PLEC: variants seen among roughly 807,000 people sequenced by gnomAD.
The protein encoded by PLEC is hemidesmosomal protein 1.
A neutral mutation model predicts 392.8 loss-of-function variants in PLEC; 216 were observed. The ratio of observed to expected loss-of-function variants is 0.55; its 90% CI spans 0.49 to 0.62. The LOEUF is 0.62. PLEC is among the 20% of genes least tolerant of loss of function. The pLI is 0.00. For missense variants in PLEC, 6,863 were observed against 6,563.4 expected (o/e 1.05, Z -1.58); for synonymous variants, 3,621 against 2,980.6 (o/e 1.21, Z -7.00).
At chr8:143,952,181 A>AACACAC (rs66992958), upstream of PLEC, among the ~76,000 whole-genome samples, 1,027 of 140,292 alleles carry the variant, frequency 7.3e-3, 5 homozygotes, top group African/African-American at 0.012. Flanking sequence ...GCAGGCTCCA[A>AACACAC]ACACACACAC....
In PLEC at chr8:143,922,398, G is replaced by A. The variant is rs1050298065; in HGVS notation, c.7426-3C>T. On this transcript the variant is annotated splice_region_variant and splice_polypyrimidine_tract_variant and intron_variant, in intron 31 of 31. Coordinates refer to ENST00000345136, the MANE Select transcript of PLEC (RefSeq NM_201384.3). Reference sequence around the variant, plus strand: ...TGCTCCTGCTGCACCGTCTGCATCTGCAGAAGAAGAGGGTGTGATCAGGGA... The same window carrying A: ...TGCTCCTGCTGCACCGTCTGCATCTACAGAAGAAGAGGGTGTGATCAGGGA... The A allele has an allele frequency of 7.5e-6, 12 of 1,601,222 alleles. No individual in the cohort carries two copies. The highest frequency in any genetic ancestry group is 1.3e-5 in the African/African-American group (1 of 74,894).
At chr8:143,960,755 C>A (rs782341278) in intron 1 of PLEC, among the ~76,000 whole-genome samples, 7 of 152,364 alleles carry the variant, frequency 4.6e-5, no homozygotes, top group Middle Eastern at 6.8e-3. Context: ...CCCCTCCCTT[C>A]TCCCTGTCTC....
chr8:143,932,947 A>T lies in PLEC; in HGVS notation c.1583T>A (p.Leu528Gln). 2 of 1,612,656 alleles carry T rather than the reference A, an allele frequency of 1.2e-6. No individual in the cohort carries two copies. Among genetic ancestry groups the T allele is most frequent in the Non-Finnish European group, 1.7e-6 (2 of 1,179,908 alleles). Residue 528 changes from leucine to glutamine, a missense_variant, in exon 14 of 32, where the codon CTG becomes CAG. Leu to Gln is a moderately radical substitution (Grantham distance 113, BLOSUM62 -2). Coordinates refer to ENST00000345136, the MANE Select transcript of PLEC (RefSeq NM_201384.3). ...CTGGTTCTCCTCCACCCAGGCCAGC[A>T]GGTCCTGCAGGTAGCGCAGAGTGGA... is the stretch of plus-strand genomic sequence containing the variant. ...EDSTLRYLQDLLAWVEENQHR... is the reference protein window; with the variant it reads ...EDSTLRYLQDQLAWVEENQHR...
At chr8:143,955,584 A>T (rs568905063), upstream of PLEC, among the ~76,000 whole-genome samples, 58 of 152,210 alleles carry the variant, frequency 3.8e-4, 1 homozygote, top group South Asian at 1.2e-3. Context: ...ATACATTTTT[A>T]AAAAATGCTG....
chr8:143,919,763 C>G lies in PLEC; in HGVS notation c.10058G>C (p.Gly3353Ala), dbSNP rs35261863. Residue 3353 changes from glycine (G) to alanine (A), a missense_variant, in exon 32 of 32, where the codon GGC (glycine) becomes GCC (alanine). Transcript: ENST00000345136. ...GTAGATGCCGGCGAGGCAGCCACTGCCCTGCAGCAGCGTCCGCACGGAGCC... is the reference window on the plus strand; with the variant it reads ...GTAGATGCCGGCGAGGCAGCCACTGGCCTGCAGCAGCGTCCGCACGGAGCC... ...ELGSVRTLLQ[G>A]SGCLAGIYLE... 0.015 allele frequency: 24,926 copies of G among 1,610,688 alleles called. 233 individuals carry two copies. The highest frequency in any genetic ancestry group is 0.019 in the Non-Finnish European group (22,078 of 1,178,422).
chr8:143,916,532 G>A lies in PLEC; in HGVS notation c.13289C>T (p.Ala4430Val). ...AGGGCAGGTGAGGTACTTGGAGTAG[G>A]CGCCCACGTCACGCAGCTTCTGTGC... ...RTAQKLRDVG[A>V]YSKYLTCPKT... Residue 4430 changes from alanine to valine, a missense_variant, in exon 32 of 32, where the codon GCC becomes GTC. Ala to Val is a moderately conservative substitution (Grantham distance 64). Coordinates refer to ENST00000345136, the MANE Select transcript of PLEC (RefSeq NM_201384.3). 1.2e-6 allele frequency: 2 copies of A among 1,611,776 alleles called. No individual in the cohort carries two copies. Among genetic ancestry groups the A allele is most frequent in the Non-Finnish European group, 1.7e-6 (2 of 1,179,502 alleles).
Position 143,920,696 on chromosome 8 carries a change from T to C in PLEC, c.9125A>G (p.Asn3042Ser), listed in dbSNP as rs782101485. The change falls in exon 32 of 32, where the codon AAT becomes AGT. Residue 3042 changes from asparagine to serine, a missense_variant. Transcript: ENST00000345136. Reference protein sequence around the residue: ...EEAGQKLSIYNALKKDLLPSD... With the variant: ...EEAGQKLSIYSALKKDLLPSD... ...TGGCAGCAGGTCTTTCTTCAGGGCA[T>C]TGTAGATACTCAGCTTCTGCCCCGC... is the stretch of plus-strand genomic sequence containing the variant. The C allele has an allele frequency of 1.1e-5, 17 of 1,602,670 alleles. No homozygotes were observed. The South Asian group carries it at 1.4e-4, about 13-fold the overall frequency.
At position 143,924,928 on chromosome 8, in the gene PLEC, CT is replaced by C; in HGVS notation, c.5000del (p.Glu1667GlyfsTer49). The C allele has an allele frequency of 6.3e-7, 1 of 1,584,956 alleles. No homozygotes were observed. The highest frequency in any genetic ancestry group is 8.5e-7 in the Non-Finnish European group (1 of 1,173,524). ...GCCGCCGCGCCTCGCGCTCCGCCTC[CT>C]CCTTCTGCTTCTCAGCCTCGGCCTG... Reference protein sequence around the residue: ...LAQAEAEKQKEEAEREARRRG... With the variant: ...LAQAEAEKQKXEAEREARRRG... On this transcript the variant is annotated frameshift_variant, in exon 31 of 32. Transcript: ENST00000345136. LOFTEE classifies it high-confidence loss of function.
intron 1 of PLEC, 95 bp downstream of exon 1, chr8:143,939,255 C>A: frequency 2.0e-6 from 3 of 1,497,120 alleles, no homozygotes; most frequent in Non-Finnish European, 1.8e-6. Flanking sequence ...ACCAGCCCCC[C>A]AGCGGTGCCA....
intron 1 of PLEC, among the ~76,000 whole-genome samples, chr8:143,970,442 A>G (rs1833365211): frequency 6.6e-6 from 1 of 152,126 alleles, no homozygotes; most frequent in South Asian, 2.1e-4. Flanking sequence ...GCCCCTTTAC[A>G]GGGAGCTCAG....
At position 143,922,779 on chromosome 8, in the gene PLEC, G is replaced by A. The variant is rs1200896374; in HGVS notation, c.7150C>T (p.Arg2384Cys). ...RQLEMSAEAE[R>C]LKLRVAEMSR... ...ATCTCGGCCACACGCAGCTTGAGGC[G>A]CTCAGCCTCAGCGCTCATCTCCAGC... Residue 2384 changes from arginine to cysteine, a missense_variant, in exon 31 of 32, where the codon CGC (arginine) becomes TGC (cysteine). Transcript: ENST00000345136. 1.1e-5 allele frequency: 18 copies of A among 1,602,524 alleles called. No individual in the cohort carries two copies. Among genetic ancestry groups the A allele is most frequent in the East Asian group, 4.5e-5 (2 of 44,386 alleles).
chr8:143,943,890 TAGCCGCCACGCGG>T (rs1830978983), upstream of PLEC: 7 of 1,610,698 alleles, frequency 4.3e-6, no homozygotes, highest in Non-Finnish European at 5.9e-6. Context: ...GAGGGCTCCA[TAGCCGCCACGCGG>T]AGCCGCCAGG....
At position 143,973,270 on chromosome 8, in the gene PLEC, C is replaced by A; in HGVS notation, c.70+133G>T. 1 of 1,003,004 alleles carries A rather than the reference C, an allele frequency of 1.0e-6. No homozygotes were observed. Among genetic ancestry groups the A allele is most frequent in the South Asian group, 1.4e-5 (1 of 69,296 alleles). 62.1% of individuals were successfully genotyped at this position (1,003,004 alleles called of 1,614,324 possible). ...CCTAGGCACTGGCAGCCGTTGGGGG[C>A]GATCCAGGCGGACGAGGCCGGCGGA... On this transcript the variant is annotated intron_variant, in intron 1 of 31. Transcript: ENST00000356346. The surrounding 1 kb of genome is among the most constrained non-coding windows in gnomAD (Gnocchi z 5.6).
At chr8:143,968,530 A>G (rs1445697867) in intron 1 of PLEC, among the ~76,000 whole-genome samples, 3 of 83,604 alleles carry the variant, frequency 3.6e-5, no homozygotes, top group African/African-American at 1.6e-4. Context: ...ACTCCATCTC[A>G]AAAAAAAAAA....
intron 1 of PLEC, among the ~76,000 whole-genome samples, chr8:143,961,398 G>T (rs1051099696): frequency 6.6e-6 from 1 of 152,084 alleles, no homozygotes; most frequent in Non-Finnish European, 1.5e-5. Flanking sequence ...GCTAATTTTT[G>T]TATTTTTAGT....
At position 143,929,334 on chromosome 8, in the gene PLEC, C is replaced by A. The variant is rs988875578; in HGVS notation, c.3082-53G>T. On this transcript the variant is annotated intron_variant, in intron 24 of 31. Transcript: ENST00000345136. ...TCATCACCGAGCGCAGCACACAGCG[C>A]CCCTTGAAGGCCAAAGGAGGGAGGG... 1.6e-5 allele frequency: 25 copies of A among 1,588,396 alleles called. 1 individual carries two copies. Among genetic ancestry groups the A allele is most frequent in the Middle Eastern group, 3.3e-4 (2 of 6,072 alleles).
chr8:143,916,829 G>A lies in PLEC; in HGVS notation c.12992C>T (p.Pro4331Leu), dbSNP rs199651668. ...IIDPSTGERF[P>L]VTDAVNKGLV... is the part of the protein sequence containing the mutation. ...GCCCTTGTTGACGGCGTCGGTGACAGGGAAGCGCTCACCGGTGCTGGGGTC... is the reference window on the plus strand; with the variant it reads ...GCCCTTGTTGACGGCGTCGGTGACAAGGAAGCGCTCACCGGTGCTGGGGTC... The change falls in exon 32 of 32, where the codon CCT (proline) becomes CTT (leucine). Residue 4331 changes from proline (P) to leucine (L), a missense_variant. Transcript: ENST00000345136. 1.6e-4 allele frequency: 255 copies of A among 1,612,914 alleles called. 2 individuals carry two copies. In the Middle Eastern group the frequency reaches 2.5e-3, roughly 16 times the overall value.
At chr8:143,930,669 G>T in intron 19 of PLEC, 133 bp from the exon 20 acceptor site, 1 of 932,410 alleles carries the variant, frequency 1.1e-6, no homozygotes, top group Non-Finnish European at 1.6e-6. Flanking sequence ...GGAAGCAGGA[G>T]GTATAGCTGG....
chr8:143,951,463 G>GA (rs1299699739), upstream of PLEC, among the ~76,000 whole-genome samples: 1 of 152,106 alleles, frequency 6.6e-6, no homozygotes, highest in Admixed American at 6.5e-5. Flanking sequence ...TCCATCAGGC[G>GA]GGCAAACGGA....
Sources: allele counts gnomAD v4.1 joint callset (sites outside exome capture counted in the v4.1 genomes callset), GRCh38; gene constraint gnomAD v4.1.1; non-coding constraint Gnocchi (gnomAD v3.1); transcripts MANE v1.5; gene names NCBI Gene and HGNC (gene_info 2026-07-23, HGNC 2026-07-21).